Variants in SLC30A8 observed in about 807,000 individuals in gnomAD.
SLC30A8 encodes proton-coupled zinc antiporter SLC30A8.
In SLC30A8, 27 loss-of-function variants were observed where a neutral mutation model predicts 36.9. The observed-to-expected ratio is 0.73, with a 90% CI of 0.54 to 1.01. SLC30A8 has a LOEUF of 1.01. Among genes scored for constraint, SLC30A8 ranks in the 50% least tolerant of loss-of-function variants. The pLI is 0.00. For synonymous variants in SLC30A8, 164 were observed against 172.4 expected, an observed-to-expected ratio of 0.95 and a Z score of 0.38; for missense variants, 439 against 452.0, an observed-to-expected ratio of 0.97 and a Z score of 0.26.
chr8:116,964,646 T>G lies in SLC30A8; in HGVS notation c.-266+13527T>G, dbSNP rs371630784. 2.1e-4 allele frequency among the ~76,000 whole-genome samples: 32 copies of G among 152,258 alleles called. 1 individual carries two copies. Among genetic ancestry groups the G allele is most frequent in the Admixed American group, 1.2e-3 (19 of 15,292 alleles). On this transcript the variant is annotated intron_variant, in intron 1 of 10. Transcript: ENST00000427715. ...CCATGACTTGCCTAATGGATCAAGG[T>G]GCCAAAATGAGCTCACACAGCAGGC...
chr8:117,081,776 T>G (rs117597576), intron 2 of SLC30A8, among the ~76,000 whole-genome samples: 201 of 152,344 alleles, frequency 1.3e-3, no homozygotes, highest in Middle Eastern at 3.4e-3. Context: ...GTCTTCCAAT[T>G]TCAAAAATTG....
chr8:117,091,920 A>G (rs376342222), intron 2 of SLC30A8, among the ~76,000 whole-genome samples: 3 of 152,316 alleles, frequency 2.0e-5, no homozygotes, highest in South Asian at 2.1e-4. Flanking sequence ...GGTCCTCACT[A>G]TGATTCTTAG....
At chr8:116,977,205 G>A (rs35051358) in intron 1 of SLC30A8, among the ~76,000 whole-genome samples, 38,552 of 126,132 alleles carry the variant, frequency 0.31, 5,586 homozygotes, top group Non-Finnish European at 0.32. Flanking sequence ...CTGGAGTGCA[G>A]TGGCACGATT....
At chr8:117,021,842 G>T (rs1281937695) in intron 1 of SLC30A8, among the ~76,000 whole-genome samples, 2 of 152,074 alleles carry the variant, frequency 1.3e-5, no homozygotes, top group Admixed American at 6.6e-5. Flanking sequence ...GGAGAGCCCA[G>T]AAGTAAACCC....
At chr8:117,141,465 C>T (rs1821650883) in intron 1 of SLC30A8, among the ~76,000 whole-genome samples, 1 of 152,078 alleles carries the variant, frequency 6.6e-6, no homozygotes, top group Non-Finnish European at 1.5e-5. Context: ...AAATTCAACA[C>T]CCTTTAATTA....
At chr8:116,975,161 A>C (rs1814945156) in intron 1 of SLC30A8, among the ~76,000 whole-genome samples, 2 of 152,172 alleles carry the variant, frequency 1.3e-5, no homozygotes, top group Admixed American at 1.3e-4. Context: ...CACATTGTGC[A>C]CATGTACCCT....
intron 4 of SLC30A8, 102 bp downstream of exon 4, chr8:117,157,946 G>A (rs1822585606): frequency 1.5e-5 from 19 of 1,293,782 alleles, no homozygotes; most frequent in Non-Finnish European, 2.0e-5. Context: ...GAAGATGGTA[G>A]AGACTGGACA....
intron 2 of SLC30A8, among the ~76,000 whole-genome samples, chr8:117,124,420 T>TGTTA (rs1586554374): frequency 1.3e-5 from 2 of 151,882 alleles, no homozygotes; most frequent in East Asian, 3.9e-4. Context: ...GCTGATTCAT[T>TGTTA]GTTACTATTC....
chr8:117,129,422 G>A (rs1208539767), intron 2 of SLC30A8, among the ~76,000 whole-genome samples: 1 of 152,010 alleles, frequency 6.6e-6, no homozygotes, highest in Non-Finnish European at 1.5e-5. Flanking sequence ...TATCCACTGG[G>A]ACATCATTTT....
intron 2 of SLC30A8, among the ~76,000 whole-genome samples, chr8:117,102,825 C>G (rs1819786995): frequency 6.6e-6 from 1 of 152,092 alleles, no homozygotes; most frequent in Admixed American, 6.6e-5. Context: ...CATGATGCAT[C>G]TCAACTTGAT....
chr8:117,161,650 AT>A, intron 4 of SLC30A8, 87 bp from the exon 5 acceptor site: 1 of 1,277,334 alleles, frequency 7.8e-7, no homozygotes, highest in Admixed American at 2.2e-5. Context: ...ATTTTGGATA[AT>A]GCATGTTATT....
At chr8:117,014,151 G>A (rs192266204) in intron 1 of SLC30A8, among the ~76,000 whole-genome samples, 1 of 152,294 alleles carries the variant, frequency 6.6e-6, no homozygotes, top group Admixed American at 6.5e-5. Flanking sequence ...AGGGGCACAT[G>A]AATGCTGAAG....
chr8:117,075,876 C>G (rs1388931607), intron 2 of SLC30A8, among the ~76,000 whole-genome samples: 1 of 152,162 alleles, frequency 6.6e-6, no homozygotes, highest in Non-Finnish European at 1.5e-5. Flanking sequence ...AGTCTCTTCC[C>G]TGTACCCTCT....
At chr8:117,065,615 C>T (rs188385840) in intron 2 of SLC30A8, among the ~76,000 whole-genome samples, 187 of 152,134 alleles carry the variant, frequency 1.2e-3, no homozygotes, top group African/African-American at 3.9e-3. Context: ...TATCTCCGCT[C>T]ATGGTGACTT....
chr8:117,039,929 C>T (rs1217904920), intron 2 of SLC30A8, among the ~76,000 whole-genome samples: 1 of 152,094 alleles, frequency 6.6e-6, no homozygotes, highest in Non-Finnish European at 1.5e-5. Context: ...TTATCTTCTC[C>T]TCCCCCCGAG....
At chr8:116,995,015 T>C (rs1269340995) in intron 1 of SLC30A8, among the ~76,000 whole-genome samples, 1 of 152,148 alleles carries the variant, frequency 6.6e-6, no homozygotes, top group Non-Finnish European at 1.5e-5. Context: ...TGTTCACATC[T>C]GTAATTAGCA....
chr8:117,147,957 C>T (rs932147739), intron 2 of SLC30A8, among the ~76,000 whole-genome samples: 6 of 151,862 alleles, frequency 4.0e-5, no homozygotes, highest in East Asian at 1.9e-4. Context: ...GTTACTCATT[C>T]GTTTTTTAGA....
At chr8:117,050,094 C>T (rs959863445) in intron 2 of SLC30A8, among the ~76,000 whole-genome samples, 1 of 152,146 alleles carries the variant, frequency 6.6e-6, no homozygotes, top group African/African-American at 2.4e-5. Context: ...TGCTCTCTTC[C>T]ACATCATTAC....
intron 1 of SLC30A8, among the ~76,000 whole-genome samples, chr8:116,958,111 A>G (rs1025662293): frequency 6.6e-6 from 1 of 152,180 alleles, no homozygotes; most frequent in Admixed American, 6.5e-5. Context: ...CTGATGTTGA[A>G]CACATTGTGC....
Sources: gnomAD v4.1 joint callset for allele counts (sites outside exome capture counted in the v4.1 genomes callset) on GRCh38, gnomAD v4.1.1 for gene constraint, MANE v1.5 for transcripts, NCBI Gene and HGNC (gene_info 2026-07-23, HGNC 2026-07-21) for gene names.